RTN1: variants seen among roughly 807,000 people sequenced by gnomAD.
The protein encoded by RTN1 is reticulon-1.
A neutral mutation model predicts 65.5 loss-of-function variants in RTN1; 25 were observed. The ratio of observed to expected loss-of-function variants is 0.38; its 90% CI spans 0.28 to 0.53. RTN1 has a LOEUF of 0.53. Among genes scored for constraint, RTN1 ranks in the 20% least tolerant of loss-of-function variants. The pLI is 0.79. For missense variants in RTN1, 983 were observed against 1,025.4 expected (o/e 0.96, Z 0.57); for synonymous variants, 471 against 447.6 (o/e 1.05, Z -0.66).
chr14:59,678,887 T>C (rs981676887), intron 3 of RTN1, among the ~76,000 whole-genome samples: 1 of 152,224 alleles, frequency 6.6e-6, no homozygotes, highest in African/African-American at 2.4e-5. Context: ...AAGCTGAGAA[T>C]GTACATTTTT....
intron 1 of RTN1, among the ~76,000 whole-genome samples, chr14:59,841,289 T>C (rs1470413679): frequency 6.6e-6 from 1 of 152,152 alleles, no homozygotes; most frequent in Non-Finnish European, 1.5e-5. Flanking sequence ...AAAACCTAGA[T>C]GAGACAAATA....
rs1020374468 is a variant in RTN1, at chr14:59,854,599, C to T, written c.241+15791G>A. ...GAGGCTGCAGTGAGCCGAGATCATG[C>T]CACTGCACTCCAGCCTGGAGACAGA... On this transcript the variant is annotated intron_variant, in intron 1 of 8. Coordinates refer to ENST00000267484, the MANE Select transcript of RTN1 (RefSeq NM_021136.3). Among the ~76,000 whole-genome samples the T allele has an allele frequency of 3.6e-5, 5 of 139,358 alleles. 1 individual carries two copies. The highest frequency in any genetic ancestry group is 7.6e-5 in the Non-Finnish European group (5 of 66,142). The allele number at this position is 139,358 out of a possible 152,430, so 91.4% of individuals were successfully genotyped here. A position where few individuals can be genotyped will look rare whatever the true frequency, so the allele number is the denominator to read the frequency against.
intron 2 of RTN1, among the ~76,000 whole-genome samples, chr14:59,743,518 G>A (rs1885154843): frequency 1.3e-5 from 2 of 152,292 alleles, no homozygotes; most frequent in Admixed American, 1.3e-4. Context: ...GCCAGAAAGA[G>A]TACAAGGAAG....
chr14:59,760,992 G>T (rs74058790), intron 1 of RTN1, among the ~76,000 whole-genome samples: 10,788 of 152,138 alleles, frequency 0.071, 1,167 homozygotes, highest in African/African-American at 0.23. Flanking sequence ...TGAGTCCCTT[G>T]ACTTACATTT....
chr14:59,663,910 G>A (rs539715816), intron 3 of RTN1, among the ~76,000 whole-genome samples: 2 of 152,200 alleles, frequency 1.3e-5, no homozygotes, highest in African/African-American at 4.8e-5. Flanking sequence ...ATAGTGTGGC[G>A]ATTCCTCAAG....
At chr14:59,863,269 C>A (rs1887741197) in intron 1 of RTN1, among the ~76,000 whole-genome samples, 1 of 152,086 alleles carries the variant, frequency 6.6e-6, no homozygotes, top group Admixed American at 6.6e-5. Context: ...TATTCAGTTT[C>A]CTTTATAACA....
At chr14:59,855,807 C>G (rs982014676) in intron 1 of RTN1, among the ~76,000 whole-genome samples, 2 of 152,312 alleles carry the variant, frequency 1.3e-5, no homozygotes, top group East Asian at 3.9e-4. Flanking sequence ...GTGCCAAAGC[C>G]TTACTAGTGC....
intron 3 of RTN1, among the ~76,000 whole-genome samples, chr14:59,693,269 T>A (rs79823267): frequency 6.9e-4 from 105 of 152,366 alleles, no homozygotes; most frequent in African/African-American, 2.4e-3. Context: ...GCACAATTTA[T>A]CTTTTGCAGC....
At chr14:59,632,630 T>C (rs978885498) in intron 3 of RTN1, among the ~76,000 whole-genome samples, 2 of 152,308 alleles carry the variant, frequency 1.3e-5, no homozygotes, top group South Asian at 4.1e-4. Context: ...CTGATGAGTA[T>C]TGTGTCCACC....
intron 3 of RTN1, chr14:59,630,780 A>C: frequency 2.8e-6 from 3 of 1,058,528 alleles, no homozygotes; most frequent in Non-Finnish European, 3.4e-6. Flanking sequence ...TGGGCTGCCC[A>C]AGGGTGCTAC....
At chr14:59,612,927 G>A (rs1433412334) in intron 3 of RTN1, among the ~76,000 whole-genome samples, 3 of 152,284 alleles carry the variant, frequency 2.0e-5, no homozygotes, top group East Asian at 3.9e-4. Context: ...CAGTAGCTAC[G>A]GCTTTATCTT....
At chr14:59,751,949 T>C (rs1412335188) in intron 1 of RTN1, among the ~76,000 whole-genome samples, 3 of 152,128 alleles carry the variant, frequency 2.0e-5, no homozygotes, top group Non-Finnish European at 4.4e-5. Flanking sequence ...ACTCCGGGCA[T>C]ACAAAGCCCT....
intron 3 of RTN1, among the ~76,000 whole-genome samples, chr14:59,671,030 C>T (rs189235410): frequency 1.5e-3 from 221 of 152,272 alleles, no homozygotes; most frequent in African/African-American, 5.1e-3. Context: ...ATCCATCACT[C>T]CATCCTGTTG....
chr14:59,732,136 G>T (rs75858130), intron 2 of RTN1, among the ~76,000 whole-genome samples: 2,890 of 152,236 alleles, frequency 0.019, 94 homozygotes, highest in African/African-American at 0.066. Context: ...CAAAAGCAAA[G>T]ATATGGAAGT....
chr14:59,864,850 A>G (rs1043216943), intron 1 of RTN1, among the ~76,000 whole-genome samples: 7 of 152,212 alleles, frequency 4.6e-5, no homozygotes, highest in African/African-American at 1.7e-4. Context: ...TCGGGACAAA[A>G]ATAATTTTAA....
chr14:59,870,757 G>A lies in RTN1; in HGVS notation c.-127C>T. 6 of 1,056,616 alleles carry A rather than the reference G, an allele frequency of 5.7e-6. No individual in the cohort carries two copies. The highest frequency in any genetic ancestry group is 7.3e-6 in the Non-Finnish European group (6 of 824,420). The allele number at this position is 1,056,616 out of a possible 1,614,324, so 65.5% of individuals were successfully genotyped here. A position where few individuals can be genotyped will look rare whatever the true frequency, so the allele number is the denominator to read the frequency against. ...AGGGAAGCTGCGGTGTCTCAGCGTC[G>A]CCGCCGCCTCTGCTGCAACTCCGCC... On this transcript the variant is annotated 5_prime_UTR_variant, in exon 1 of 9. Transcript: ENST00000267484. This position sits in a 1 kb window ranked among gnomAD's most constrained non-coding sequence, Gnocchi z 5.1.
At chr14:59,750,195 T>C (rs1173381533) in intron 1 of RTN1, among the ~76,000 whole-genome samples, 1 of 71,142 alleles carries the variant, frequency 1.4e-5, no homozygotes. Context: ...ACATATATTA[T>C]ATCTATAATA....
At chr14:59,710,020 T>C in intron 3 of RTN1, among the ~76,000 whole-genome samples, 1 of 134,184 alleles carries the variant, frequency 7.5e-6, no homozygotes. Flanking sequence ...TCTTTCCTCC[T>C]CTCCTCTCCT....
chr14:59,746,017 C>A lies in RTN1; in HGVS notation c.706G>T (p.Val236Phe). ...GGAGCTGGTTTGTCAGGTTCACGGA[C>A]TCCTTCAGGTTTAATTGAGATGTCA... ...DTDISIKPEG[V>F]REPDKPAPVE... The change falls in exon 2 of 9, where the codon GTC becomes TTC. Residue 236 changes from valine (V) to phenylalanine (F), a missense_variant. Physicochemically the swap from Val to Phe is conservative, Grantham distance 50. This residue lies in a region of RTN1 where 818 missense variants were observed against 801.8 expected (regional missense o/e 1.02). Transcript: ENST00000267484. 2 of 1,614,172 alleles carry A rather than the reference C, an allele frequency of 1.2e-6. No individual in the cohort carries two copies. Among genetic ancestry groups the A allele is most frequent in the Non-Finnish European group, 1.7e-6 (2 of 1,180,028 alleles).
Sources: gnomAD v4.1 joint callset for allele counts (sites outside exome capture counted in the v4.1 genomes callset) on GRCh38, gnomAD v4.1.1 for gene constraint, gnomAD v4.1.1 regional missense constraint, Gnocchi (gnomAD v3.1) non-coding constraint, MANE v1.5 for transcripts, NCBI Gene and HGNC (gene_info 2026-07-23, HGNC 2026-07-21) for gene names.